Variants in ARL15 observed in about 807,000 individuals in gnomAD.
ARL15 encodes ARF like GTPase 15.
ARL15 carries 19 observed loss-of-function variants against 25.2 expected under a neutral mutation model. That is an observed-to-expected ratio of 0.75 (90% CI 0.53 to 1.10). The LOEUF (loss-of-function observed/expected upper bound fraction) is 1.10, where lower values mean the gene tolerates loss of function less well. Among genes scored for constraint, ARL15 ranks in the 50% least tolerant of loss-of-function variants. The pLI, the probability that ARL15 is intolerant of heterozygous loss-of-function variation, is 0.00. For synonymous variants in ARL15, 94 were observed against 86.8 expected (o/e 1.08, Z -0.46); for missense variants, 220 against 246.0 (o/e 0.89, Z 0.71).
chr5:54,058,037 C>A (rs1370628618), intron 4 of ARL15, among the ~76,000 whole-genome samples: 1 of 147,486 alleles, frequency 6.8e-6, no homozygotes. Flanking sequence ...CAAAGTCTCG[C>A]TCTTGTTCCC....
chr5:53,900,025 A>T (rs1400252968), intron 4 of ARL15, among the ~76,000 whole-genome samples: 5 of 152,202 alleles, frequency 3.3e-5, no homozygotes, highest in Non-Finnish European at 7.3e-5. Flanking sequence ...AATCCCTTCT[A>T]GTACGAAATT....
At chr5:54,274,682 A>AG (rs1442856731) in intron 1 of ARL15, among the ~76,000 whole-genome samples, 1 of 152,110 alleles carries the variant, frequency 6.6e-6, no homozygotes, top group Non-Finnish European at 1.5e-5. Context: ...GTGGATCATG[A>AG]GGTCAGGAGT....
chr5:53,933,005 A>G (rs1746239755), intron 4 of ARL15, among the ~76,000 whole-genome samples: 1 of 152,230 alleles, frequency 6.6e-6, no homozygotes, highest in Non-Finnish European at 1.5e-5. Flanking sequence ...ATGAAAATGT[A>G]AGGCCATAGT....
At chr5:54,011,785 C>A (rs1305580313) in intron 4 of ARL15, among the ~76,000 whole-genome samples, 1 of 151,974 alleles carries the variant, frequency 6.6e-6, no homozygotes, top group Admixed American at 6.5e-5. Flanking sequence ...CCGAGGCGGG[C>A]GGATCTCGAG....
chr5:54,171,922 T>TAA lies in ARL15; in HGVS notation c.53_54dup (p.Arg19LeufsTer21). On this transcript the variant is annotated frameshift_variant, in exon 2 of 5. Coordinates refer to ENST00000504924, the MANE Select transcript of ARL15 (RefSeq NM_019087.3). LOFTEE classifies it high-confidence loss of function. ...GGTGGTCCCTTGCAGCAAAGTGCTC[T>TAA]AAAACACTGCCAAAAGAAGGGGAAA... 1 of 1,609,922 alleles carries TAA rather than the reference T, an allele frequency of 6.2e-7. No homozygotes were observed. Among genetic ancestry groups the TAA allele is most frequent in the Non-Finnish European group, 8.5e-7 (1 of 1,177,132 alleles).
chr5:54,274,201 GC>G lies in ARL15; in HGVS notation c.48+36230del, dbSNP rs199798360. On this transcript the variant is annotated intron_variant, in intron 1 of 4. Transcript: ENST00000504924. Reference sequence around the variant, plus strand: ...CAGGGCATGAGCAGGTTTAGGGGCAGCAAGAGAGTCGGCTGACGCTGGGTCA... The same window carrying G: ...CAGGGCATGAGCAGGTTTAGGGGCAGAAGAGAGTCGGCTGACGCTGGGTCA... Among the ~76,000 whole-genome samples, 1,164 of 152,252 alleles carry G rather than the reference GC, an allele frequency of 7.6e-3. 10 individuals carry two copies. Among genetic ancestry groups the G allele is most frequent in the African/African-American group, 0.026 (1,100 of 41,542 alleles).
intron 4 of ARL15, among the ~76,000 whole-genome samples, chr5:54,081,102 T>C (rs1354985398): frequency 1.3e-5 from 2 of 152,140 alleles, no homozygotes; most frequent in African/African-American, 4.8e-5. Flanking sequence ...TCATGTTGGG[T>C]GTTAGGACTT....
intron 1 of ARL15, among the ~76,000 whole-genome samples, chr5:54,260,331 C>T (rs1028479536): frequency 6.6e-6 from 1 of 152,184 alleles, no homozygotes; most frequent in Non-Finnish European, 1.5e-5. Context: ...CAACCATTAT[C>T]ATAACAATTA....
intron 1 of ARL15, among the ~76,000 whole-genome samples, chr5:54,219,996 C>G (rs1001434105): frequency 5.6e-4 from 85 of 152,082 alleles, no homozygotes; most frequent in African/African-American, 2.0e-3. Context: ...CAGAGCATAA[C>G]AAGATTATTT....
rs34653736 is a variant in ARL15, at chr5:54,271,905, CATTT to C, written c.48+38523_48+38526del. 5.6e-3 allele frequency among the ~76,000 whole-genome samples: 815 copies of C among 146,372 alleles called. 2 individuals are homozygous for C. Among genetic ancestry groups the C allele is most frequent in the African/African-American group, 1.0e-2 (396 of 39,694 alleles). ...ATATTAATCTATTGGCTGTGCTTAA[CATTT>C]ATTTATTTATTTATTTATTTATTTA... On this transcript the variant is annotated intron_variant, in intron 1 of 4. Transcript: ENST00000504924.
chr5:54,295,808 C>T (rs1758451749), intron 1 of ARL15, among the ~76,000 whole-genome samples: 1 of 152,182 alleles, frequency 6.6e-6, no homozygotes, highest in Non-Finnish European at 1.5e-5. Context: ...GCTCCTTCCT[C>T]TACCATACCC....
intron 4 of ARL15, among the ~76,000 whole-genome samples, chr5:53,999,024 G>A (rs1244312879): frequency 3.9e-5 from 6 of 152,288 alleles, no homozygotes; most frequent in African/African-American, 1.4e-4. Context: ...AGTAACATTT[G>A]GATCTGGAGT....
intron 4 of ARL15, among the ~76,000 whole-genome samples, chr5:53,961,495 C>CAAAA (rs10589852): frequency 3.1e-4 from 21 of 68,852 alleles, no homozygotes; most frequent in Middle Eastern, 8.8e-3. Flanking sequence ...GACTCTGTCT[C>CAAAA]AAAAAAAAAA....
At chr5:54,236,965 A>T (rs1756826324) in intron 1 of ARL15, among the ~76,000 whole-genome samples, 1 of 152,182 alleles carries the variant, frequency 6.6e-6, no homozygotes, top group Admixed American at 6.5e-5. Context: ...TCATTGGAAC[A>T]TGAGTGAAAA....
intron 4 of ARL15, among the ~76,000 whole-genome samples, chr5:53,981,930 G>C (rs937285113): frequency 6.6e-6 from 1 of 151,224 alleles, no homozygotes; most frequent in Non-Finnish European, 1.5e-5. Context: ...AAGAAATAAT[G>C]GAAGATTTTC....
chr5:54,039,239 T>C (rs1411233364), intron 4 of ARL15, among the ~76,000 whole-genome samples: 1 of 152,064 alleles, frequency 6.6e-6, no homozygotes, highest in East Asian at 1.9e-4. Context: ...TCTTTAGAAG[T>C]TCACACTTTT....
chr5:53,888,273 A>AT (rs140260663), intron 4 of ARL15, among the ~76,000 whole-genome samples: 1 of 151,278 alleles, frequency 6.6e-6, no homozygotes, highest in Non-Finnish European at 1.5e-5. Context: ...TTATTTATTT[A>AT]TTTTTTTATT....
intron 1 of ARL15, among the ~76,000 whole-genome samples, chr5:54,293,894 T>A (rs1758403702): frequency 6.6e-6 from 1 of 152,078 alleles, no homozygotes. Flanking sequence ...AGTGGCACGA[T>A]CTCAGCTCAC....
rs570345709 is a variant in ARL15 at position 54,191,726 on chromosome 5, C to T, written c.49-19798G>A. Among the ~76,000 whole-genome samples the T allele has an allele frequency of 3.9e-5, 6 of 152,246 alleles. No homozygotes were observed. The South Asian group carries it at 1.2e-3, about 32-fold the overall frequency. On this transcript the variant is annotated intron_variant, in intron 1 of 4. Coordinates refer to ENST00000504924, the MANE Select transcript of ARL15 (RefSeq NM_019087.3). Reference sequence around the variant, plus strand: ...CTCCAACTACTTCTCACCACCTCTACCCTTACCACCCCAATCTCTTGCTTT... The same window carrying T: ...CTCCAACTACTTCTCACCACCTCTATCCTTACCACCCCAATCTCTTGCTTT...
Sources: allele counts gnomAD v4.1 joint callset (sites outside exome capture counted in the v4.1 genomes callset), GRCh38; gene constraint gnomAD v4.1.1; transcripts MANE v1.5; gene names NCBI Gene and HGNC (gene_info 2026-07-23, HGNC 2026-07-21).